The following ZHX3 variants were observed in gnomAD, a reference collection of about 807,000 sequenced individuals.
ZHX3 encodes zinc fingers and homeoboxes 3.
Under a neutral mutation model 64.5 loss-of-function variants are expected in ZHX3, and 20 were observed. That is an observed-to-expected ratio of 0.31 (90% CI 0.22 to 0.45). The LOEUF (loss-of-function observed/expected upper bound fraction) is 0.45, where lower values mean the gene tolerates loss of function less well. Among genes scored for constraint, ZHX3 ranks in the 20% least tolerant of loss-of-function variants. ZHX3 has a pLI of 1.00. For synonymous variants in ZHX3, 423 were observed against 461.6 expected, an observed-to-expected ratio of 0.92 and a Z score of 1.07; for missense variants, 1,041 against 1,195.8, an observed-to-expected ratio of 0.87 and a Z score of 1.91.
At chr20:41,259,161 G>A (rs141460081) in intron 2 of ZHX3, among the ~76,000 whole-genome samples, 200 of 152,210 alleles carry the variant, frequency 1.3e-3, no homozygotes, top group African/African-American at 4.6e-3. Context: ...TTAAATCACA[G>A]TTCCACCATG....
intron 1 of ZHX3, among the ~76,000 whole-genome samples, chr20:41,309,696 CA>C (rs1399324394): frequency 6.6e-6 from 1 of 152,194 alleles, no homozygotes; most frequent in Non-Finnish European, 1.5e-5. Context: ...GTAACCACAA[CA>C]TCTCATTGCT....
At chr20:41,251,465 G>C (rs1236729685) in intron 2 of ZHX3, among the ~76,000 whole-genome samples, 1 of 152,058 alleles carries the variant, frequency 6.6e-6, no homozygotes, top group African/African-American at 2.4e-5. Context: ...AAAACTATTA[G>C]AAAGTCAAGA....
At chr20:41,264,247 A>G (rs895798279) in intron 2 of ZHX3, among the ~76,000 whole-genome samples, 1 of 151,622 alleles carries the variant, frequency 6.6e-6, no homozygotes, top group African/African-American at 2.4e-5. Flanking sequence ...CATCTCCACT[A>G]AAATACAAAA....
chr20:41,261,588 G>A (rs2042564412), intron 2 of ZHX3, among the ~76,000 whole-genome samples: 1 of 152,120 alleles, frequency 6.6e-6, no homozygotes, highest in South Asian at 2.1e-4. Context: ...GTGGCATTTG[G>A]GCCTGTTGTG....
intron 2 of ZHX3, among the ~76,000 whole-genome samples, chr20:41,244,740 T>C (rs1434161090): frequency 6.6e-6 from 1 of 152,154 alleles, no homozygotes; most frequent in Non-Finnish European, 1.5e-5. Context: ...AGAATAGTCA[T>C]AATGAACCTG....
Position 41,201,948 on chromosome 20 carries a change from G to A in ZHX3, c.2860+109C>T. On this transcript the variant is annotated intron_variant, in intron 3 of 3. Transcript: ENST00000683867. This position sits in a 1 kb window ranked among gnomAD's most constrained non-coding sequence, Gnocchi z 5.0. ...GCCAGGCGGTTAATGCTGCTGCCAG[G>A]CAGCCTTAGAGACAGCAGATGCCCC... is the stretch of plus-strand genomic sequence containing the variant. The A allele has an allele frequency of 1.5e-6, 2 of 1,355,764 alleles. No homozygotes were observed. The highest frequency in any genetic ancestry group is 2.9e-5 in the African/African-American group (2 of 68,188). 84.0% of individuals were successfully genotyped at this position (1,355,764 alleles called of 1,614,324 possible).
In ZHX3 at chr20:41,203,645, T is replaced by C. The variant is rs1600760371; in HGVS notation, c.1272A>G (p.Gly424=). 1 of 1,613,958 alleles carries C rather than the reference T, an allele frequency of 6.2e-7. No individual in the cohort carries two copies. The highest frequency in any genetic ancestry group is 8.5e-7 in the Non-Finnish European group (1 of 1,179,992). The change falls in exon 3 of 4, where the codon GGA becomes GGG. Residue 424 remains glycine, a synonymous_variant. Transcript: ENST00000683867. The surrounding 1 kb of genome is among the most constrained non-coding windows in gnomAD (Gnocchi z 7.1). ...VVGQPEGTGG[G]LLVTQPLMAN... Reference sequence around the variant, plus strand: ...CCATCAATGGCTGAGTGACCAGAAGTCCCCCTCCTGTACCCTCTGGCTGCC... The same window carrying C: ...CCATCAATGGCTGAGTGACCAGAAGCCCCCCTCCTGTACCCTCTGGCTGCC...
intron 1 of ZHX3, among the ~76,000 whole-genome samples, chr20:41,282,673 G>C (rs945552492): frequency 6.6e-6 from 1 of 152,032 alleles, no homozygotes; most frequent in South Asian, 2.1e-4. Flanking sequence ...TTCATCTTTC[G>C]ATGCCTCTAA....
chr20:41,203,194 A>G lies in ZHX3; in HGVS notation c.1723T>C (p.Ser575Pro). 1 of 1,614,062 alleles carries G rather than the reference A, an allele frequency of 6.2e-7. No individual in the cohort carries two copies. The highest frequency in any genetic ancestry group is 8.5e-7 in the Non-Finnish European group (1 of 1,180,004). ...SIIIDSVPEV[S>P]FSPSSKVPEV... is the part of the protein sequence containing the mutation. ...GGGACCTTGGACGATGGGGAGAAGG[A>G]CACCTCTGGCACAGAGTCAATGATG... The change falls in exon 3 of 4, where the codon TCC (serine) becomes CCC (proline). Residue 575 changes from serine to proline, a missense_variant. Coordinates refer to ENST00000683867, the MANE Select transcript of ZHX3 (RefSeq NM_001384317.1). The surrounding 1 kb of genome is among the most constrained non-coding windows in gnomAD (Gnocchi z 7.1).
chr20:41,278,325 C>G (rs1477839425), intron 1 of ZHX3, among the ~76,000 whole-genome samples: 1 of 135,994 alleles, frequency 7.4e-6, no homozygotes, highest in Non-Finnish European at 1.6e-5. Flanking sequence ...GCCTGGGTGA[C>G]AGAGAGAGAC....
At position 41,232,867 on chromosome 20, in the gene ZHX3, G is replaced by A. The variant is rs1020306629; in HGVS notation, c.-150-27801C>T. On this transcript the variant is annotated intron_variant, in intron 2 of 3. Coordinates refer to ENST00000683867, the MANE Select transcript of ZHX3 (RefSeq NM_001384317.1). This position sits in a 1 kb window ranked among gnomAD's most constrained non-coding sequence, Gnocchi z 5.0. The stretch of plus-strand genomic sequence containing the variant: ...CCCAAAGTGCTGGGATTACAGGCAT[G>A]AGCCACCACGCCCGGCTGGAAAATT... Among the ~76,000 whole-genome samples the A allele has an allele frequency of 6.6e-6, 1 of 152,124 alleles. No individual in the cohort carries two copies. Among genetic ancestry groups the A allele is most frequent in the Non-Finnish European group, 1.5e-5 (1 of 68,026 alleles).
At chr20:41,188,221 T>C (rs2036688446) in intron 3 of ZHX3, among the ~76,000 whole-genome samples, 2 of 152,230 alleles carry the variant, frequency 1.3e-5, no homozygotes, top group South Asian at 4.1e-4. Flanking sequence ...CCTCCAGTTC[T>C]ATTATTTTTT....
Position 41,184,642 on chromosome 20 carries a change from G to T in ZHX3, c.*549C>A. On this transcript the variant is annotated 3_prime_UTR_variant, in exon 4 of 4. Transcript: ENST00000683867. ...TCTTCAAAGGTACTGCTTCCTTGAG[G>T]AACACAAAGGGGGCACAAAGGGGTT... is the stretch of plus-strand genomic sequence containing the variant. The T allele has an allele frequency of 2.2e-6, 1 of 460,618 alleles. No individual in the cohort carries two copies. 28.5% of individuals were successfully genotyped at this position (460,618 alleles called of 1,614,324 possible).
At position 41,182,827 on chromosome 20, in the gene ZHX3, T is replaced by C. The variant is rs1018101630; in HGVS notation, c.*2364A>G. On this transcript the variant is annotated 3_prime_UTR_variant, in exon 4 of 4. Coordinates refer to ENST00000683867, the MANE Select transcript of ZHX3 (RefSeq NM_001384317.1). This position sits in a 1 kb window ranked among gnomAD's most constrained non-coding sequence, Gnocchi z 6.1. ...TGAAAGATGAGCTAGTGCCCATGGC[T>C]GGGTCACTGTAGGTCCTGCATGAAC... is the stretch of plus-strand genomic sequence containing the variant. The C allele has an allele frequency of 3.9e-5, 6 of 152,382 alleles. No homozygotes were observed. Among genetic ancestry groups the C allele is most frequent in the African/African-American group, 1.4e-4 (6 of 41,572 alleles). 9.4% of individuals were successfully genotyped at this position (152,382 alleles called of 1,614,324 possible).
At chr20:41,263,744 G>A (rs891799282) in intron 2 of ZHX3, among the ~76,000 whole-genome samples, 18 of 152,002 alleles carry the variant, frequency 1.2e-4, no homozygotes, top group African/African-American at 3.9e-4. Context: ...TTTTGAAATT[G>A]AAAACCAAAA....
intron 1 of ZHX3, among the ~76,000 whole-genome samples, chr20:41,273,918 T>C (rs2043266085): frequency 6.6e-6 from 1 of 152,238 alleles, no homozygotes; most frequent in Non-Finnish European, 1.5e-5. Flanking sequence ...ACTGAATCTT[T>C]ACATCACTTT....
At chr20:41,305,525 C>T (rs1217754691) in intron 1 of ZHX3, among the ~76,000 whole-genome samples, 2 of 151,570 alleles carry the variant, frequency 1.3e-5, no homozygotes, top group Non-Finnish European at 2.9e-5. Flanking sequence ...TGGCTCACGC[C>T]TGTAATCTCA....
chr20:41,295,892 A>G (rs980298312), intron 1 of ZHX3, among the ~76,000 whole-genome samples: 3 of 152,154 alleles, frequency 2.0e-5, no homozygotes, highest in Non-Finnish European at 2.9e-5. Context: ...TAACTAACTC[A>G]TTACAAGTGT....
chr20:41,311,815 T>C lies in ZHX3; in HGVS notation c.-245+5694A>G, dbSNP rs556386775. Among the ~76,000 whole-genome samples, 4 of 152,360 alleles carry C rather than the reference T, an allele frequency of 2.6e-5. No homozygotes were observed. The East Asian group carries it at 7.7e-4, about 29-fold the overall frequency. On this transcript the variant is annotated intron_variant, in intron 1 of 3. Transcript: ENST00000683867. ...TTCTCCCGAAGATTTAGAGATAATG[T>C]GTGAACACACATAGCAATGGACCTG... is the stretch of plus-strand genomic sequence containing the variant.
Sources: allele counts gnomAD v4.1 joint callset (sites outside exome capture counted in the v4.1 genomes callset), GRCh38; gene constraint gnomAD v4.1.1; non-coding constraint Gnocchi (gnomAD v3.1); transcripts MANE v1.5; gene names NCBI Gene and HGNC (gene_info 2026-07-23, HGNC 2026-07-21).